KIF26B: variants seen among roughly 807,000 people sequenced by gnomAD.
KIF26B encodes the protein kinesin family member 26B.
In KIF26B, 63 loss-of-function variants were observed where a neutral mutation model predicts 151.2. The observed-to-expected ratio is 0.42, with a 90% CI of 0.34 to 0.51. KIF26B has a LOEUF of 0.51. KIF26B is among the 20% of genes least tolerant of loss of function. KIF26B has a pLI of 0.07. For synonymous variants in KIF26B, 1,357 were observed against 1,262.1 expected, an observed-to-expected ratio of 1.08 and a Z score of -1.59; for missense variants, 2,813 against 2,913.6, an observed-to-expected ratio of 0.97 and a Z score of 0.79.
chr1:245,181,755 C>T (rs1045192610), intron 2 of KIF26B, among the ~76,000 whole-genome samples: 1 of 152,050 alleles, frequency 6.6e-6, no homozygotes, highest in Non-Finnish European at 1.5e-5. Flanking sequence ...AAACTGCAGA[C>T]TGTTGGGTCT....
At chr1:245,278,406 A>G (rs374509479) in intron 2 of KIF26B, among the ~76,000 whole-genome samples, 6 of 152,054 alleles carry the variant, frequency 3.9e-5, no homozygotes, top group African/African-American at 1.4e-4. Flanking sequence ...ATCACTTGCC[A>G]TTTTCAGAAC....
Position 245,685,445 on chromosome 1 carries a change from A to G in KIF26B, c.2462A>G (p.Glu821Gly). The G allele has an allele frequency of 6.2e-7, 1 of 1,613,442 alleles. No individual in the cohort carries two copies. The highest frequency in any genetic ancestry group is 8.5e-7 in the Non-Finnish European group (1 of 1,179,676). ...TCCGGCGGGGAGAGCTCCTGCGAAG[A>G]AGGCCGCATGCGCAGGCCCACCCAG... ...SSSGGESSCEEGRMRRPTQLR... is the reference protein window; with the variant it reads ...SSSGGESSCEGGRMRRPTQLR... Residue 821 changes from glutamate (E) to glycine (G), a missense_variant, in exon 12 of 15, where the codon GAA becomes GGA. By Grantham distance (98) the Glu-to-Gly change is moderately conservative. Coordinates refer to ENST00000407071, the MANE Select transcript of KIF26B (RefSeq NM_018012.4).
chr1:245,468,094 A>G (rs1659835118), intron 4 of KIF26B, among the ~76,000 whole-genome samples: 1 of 152,150 alleles, frequency 6.6e-6, no homozygotes, highest in African/African-American at 2.4e-5. Context: ...GGGGAACACT[A>G]ACCCAGAATT....
intron 2 of KIF26B, among the ~76,000 whole-genome samples, chr1:245,260,534 A>G (rs187364752): frequency 6.6e-6 from 1 of 152,336 alleles, no homozygotes; most frequent in Non-Finnish European, 1.5e-5. Context: ...TAAATAGAAC[A>G]TGTTTAATAC....
intron 2 of KIF26B, among the ~76,000 whole-genome samples, chr1:245,266,262 A>C (rs890919561): frequency 6.6e-6 from 1 of 152,212 alleles, no homozygotes; most frequent in South Asian, 2.1e-4. Flanking sequence ...GATACCAACC[A>C]GACTGGTGAA....
At position 245,686,230 on chromosome 1, in the gene KIF26B, A is replaced by C. The variant is rs373870609; in HGVS notation, c.3247A>C (p.Ser1083Arg). 1.0e-4 allele frequency: 167 copies of C among 1,612,524 alleles called. No homozygotes were observed. Among genetic ancestry groups the C allele is most frequent in the Non-Finnish European group, 1.3e-4 (158 of 1,179,886 alleles). ...LSKTSEYKPP[S>R]SPSQRCKVYT... is the part of the protein sequence containing the mutation. ...CAAGACCTCGGAGTACAAGCCACCC[A>C]GCTCTCCTTCCCAGAGATGCAAAGT... The change falls in exon 12 of 15, where the codon AGC becomes CGC. Residue 1083 changes from serine (S) to arginine (R), a missense_variant. Around this residue, in one of 3 missense-constraint regions of KIF26B, gnomAD observed 2,060 missense variants for 2,088.6 expected, o/e 0.99. Transcript: ENST00000407071. The surrounding 1 kb of genome is among the most constrained non-coding windows in gnomAD (Gnocchi z 5.6).
intron 4 of KIF26B, among the ~76,000 whole-genome samples, chr1:245,496,850 G>GAA (rs147958737): frequency 0.048 from 7,273 of 151,998 alleles, 209 homozygotes; most frequent in African/African-American, 0.062. Context: ...ATAAAAGAAT[G>GAA]AAAAAAAGAT....
chr1:245,501,584 C>T (rs1364698339), intron 4 of KIF26B, among the ~76,000 whole-genome samples: 1 of 152,150 alleles, frequency 6.6e-6, no homozygotes, highest in East Asian at 1.9e-4. Context: ...GCAGAGGTAT[C>T]ATAGAGATTA....
chr1:245,634,173 A>T (rs2043810720), intron 9 of KIF26B, among the ~76,000 whole-genome samples: 1 of 152,202 alleles, frequency 6.6e-6, no homozygotes, highest in African/African-American at 2.4e-5. Context: ...ATTTTTGTCC[A>T]TTGACCTCAT....
chr1:245,614,935 GA>G (rs2043572098), intron 9 of KIF26B: 1 of 19,650 alleles, frequency 5.1e-5, no homozygotes, highest in African/African-American at 1.8e-4. Context: ...ATCGGATAGG[GA>G]TGAGGAGATG....
chr1:245,485,385 AT>A (rs10672221), intron 4 of KIF26B, among the ~76,000 whole-genome samples: 17,608 of 142,546 alleles, frequency 0.12, 1,444 homozygotes, highest in African/African-American at 0.24. Context: ...TCCTAGCATC[AT>A]TTTTTTTTTT....
chr1:245,587,855 G>A (rs1045039999), intron 5 of KIF26B, among the ~76,000 whole-genome samples: 1 of 152,194 alleles, frequency 6.6e-6, no homozygotes, highest in African/African-American at 2.4e-5. Flanking sequence ...GGCCTGGTGA[G>A]AGTATTTGCA....
At chr1:245,207,312 GT>G (rs919656202) in intron 2 of KIF26B, among the ~76,000 whole-genome samples, 2 of 152,194 alleles carry the variant, frequency 1.3e-5, no homozygotes, top group South Asian at 2.1e-4. Flanking sequence ...GAGGGAAAGG[GT>G]TTTTTTCATT....
At chr1:245,596,372 T>C (rs776775128) in intron 5 of KIF26B, among the ~76,000 whole-genome samples, 26 of 152,240 alleles carry the variant, frequency 1.7e-4, no homozygotes, top group Non-Finnish European at 7.3e-5. Context: ...TTGTGCTCAT[T>C]GGTTTCAAAG....
At chr1:245,608,529 G>T (rs1482657931) in intron 7 of KIF26B, among the ~76,000 whole-genome samples, 1 of 152,148 alleles carries the variant, frequency 6.6e-6, no homozygotes, top group Non-Finnish European at 1.5e-5. Context: ...AATAGAATTT[G>T]CTCATGCCAT....
rs1672757143 is a variant in KIF26B at position 245,358,999 on chromosome 1, G to A, written c.466-7835G>A. Among the ~76,000 whole-genome samples the A allele has an allele frequency of 6.6e-6, 1 of 152,026 alleles. No individual in the cohort carries two copies. The highest frequency in any genetic ancestry group is 2.1e-4 in the South Asian group (1 of 4,810). The stretch of plus-strand genomic sequence containing the variant: ...AGATTTTCAGGGTTGAAGATACGCT[G>A]ATGTGAAATCAGGTTTCTCTCTCTT... On this transcript the variant is annotated intron_variant, in intron 2 of 14. Coordinates refer to ENST00000407071, the MANE Select transcript of KIF26B (RefSeq NM_018012.4). This position sits in a 1 kb window ranked among gnomAD's most constrained non-coding sequence, Gnocchi z 4.1.
rs114382195 is a variant in KIF26B at position 245,352,863 on chromosome 1, C to T, written c.466-13971C>T. Among the ~76,000 whole-genome samples the T allele has an allele frequency of 0.018, 2,708 of 151,584 alleles. 83 individuals carry two copies. Among genetic ancestry groups the T allele is most frequent in the African/African-American group, 0.061 (2,524 of 41,272 alleles). ...TGTGTGTGTGTGTGTGTGTGGTGGG[C>T]GTGGGTGGGTGTGTAGAGTAGGGAA... On this transcript the variant is annotated intron_variant, in intron 2 of 14. Coordinates refer to ENST00000407071, the MANE Select transcript of KIF26B (RefSeq NM_018012.4). This position sits in a 1 kb window ranked among gnomAD's most constrained non-coding sequence, Gnocchi z 5.0.
chr1:245,518,526 T>G (rs1879274), intron 4 of KIF26B, among the ~76,000 whole-genome samples: 140,357 of 152,246 alleles, frequency 0.92, 65,850 homozygotes, highest in East Asian at 1. Flanking sequence ...AGTCGTCCCT[T>G]GGAAACTATC....
intron 9 of KIF26B, among the ~76,000 whole-genome samples, chr1:245,630,767 T>C (rs1244703048): frequency 1.3e-5 from 2 of 151,356 alleles, no homozygotes; most frequent in African/African-American, 4.8e-5. Context: ...AAATAAATAA[T>C]ATTAACTCTT....
Sources: allele counts gnomAD v4.1 joint callset (sites outside exome capture counted in the v4.1 genomes callset), GRCh38; gene constraint gnomAD v4.1.1; regional missense constraint gnomAD v4.1.1; non-coding constraint Gnocchi (gnomAD v3.1); transcripts MANE v1.5; gene names NCBI Gene and HGNC (gene_info 2026-07-23, HGNC 2026-07-21).